KCNB2: variants seen among roughly 807,000 people sequenced by gnomAD.
The protein encoded by KCNB2 is potassium voltage-gated channel subfamily B member 2.
In KCNB2, 15 loss-of-function variants were observed where a neutral mutation model predicts 61.5. The ratio of observed to expected loss-of-function variants is 0.24; its 90% CI spans 0.16 to 0.38. KCNB2 has a LOEUF of 0.38. Ranked by LOEUF, KCNB2 falls within the 10% of genes least tolerant of loss-of-function variation. KCNB2 has a pLI of 1.00. For synonymous variants in KCNB2, 457 were observed against 446.0 expected, an observed-to-expected ratio of 1.02 and a Z score of -0.31; for missense variants, 828 against 1,125.2, an observed-to-expected ratio of 0.74 and a Z score of 3.78.
At chr8:72,675,799 G>A (rs13248493) in intron 2 of KCNB2, among the ~76,000 whole-genome samples, 1 of 151,922 alleles carries the variant, frequency 6.6e-6, no homozygotes, top group African/African-American at 2.4e-5. Context: ...TGATCCTCCC[G>A]CCTCGGCCTC....
chr8:72,650,570 G>A (rs900138976), intron 2 of KCNB2, among the ~76,000 whole-genome samples: 3 of 152,116 alleles, frequency 2.0e-5, no homozygotes, highest in African/African-American at 7.2e-5. Context: ...TCAGAGCTAA[G>A]GGTCACCGCC....
intron 2 of KCNB2, among the ~76,000 whole-genome samples, chr8:72,900,982 TTATTACTGGG>T (rs1563418062): frequency 6.6e-6 from 1 of 152,166 alleles, no homozygotes; most frequent in African/African-American, 2.4e-5. Context: ...CCCAGCAATC[TTATTACTGGG>T]TATATACCCA....
At chr8:72,770,962 T>C (rs899222199) in intron 2 of KCNB2, among the ~76,000 whole-genome samples, 2 of 152,260 alleles carry the variant, frequency 1.3e-5, no homozygotes. Flanking sequence ...CCAAATGATA[T>C]TTTAAAAACA....
chr8:72,768,744 A>G (rs1030222891), intron 2 of KCNB2, among the ~76,000 whole-genome samples: 1 of 152,192 alleles, frequency 6.6e-6, no homozygotes, highest in Non-Finnish European at 1.5e-5. Context: ...TATGTATAGC[A>G]TAAGGAAGGA....
intron 1 of KCNB2, among the ~76,000 whole-genome samples, chr8:72,556,588 TA>T (rs1207642778): frequency 3.3e-5 from 5 of 152,100 alleles, no homozygotes. Flanking sequence ...TAATAATGAA[TA>T]GAAAAAAATC....
At chr8:72,891,899 A>G (rs759462730) in intron 2 of KCNB2, among the ~76,000 whole-genome samples, 11 of 152,144 alleles carry the variant, frequency 7.2e-5, no homozygotes, top group Non-Finnish European at 1.5e-4. Flanking sequence ...AATTTAATCA[A>G]ATGTCATCCT....
chr8:72,650,846 G>A (rs1442160078), intron 2 of KCNB2, among the ~76,000 whole-genome samples: 1 of 152,142 alleles, frequency 6.6e-6, no homozygotes. Context: ...CAAGGAGATA[G>A]ATGTTGATAG....
chr8:72,727,063 G>A (rs1351834760), intron 2 of KCNB2, among the ~76,000 whole-genome samples: 1 of 151,972 alleles, frequency 6.6e-6, no homozygotes, highest in African/African-American at 2.4e-5. Context: ...TTTGCTCATT[G>A]GATTAAAAAG....
intron 2 of KCNB2, among the ~76,000 whole-genome samples, chr8:72,631,910 G>C (rs1366435912): frequency 6.6e-6 from 1 of 151,976 alleles, no homozygotes; most frequent in Non-Finnish European, 1.5e-5. Context: ...TTTCTGTATG[G>C]TCTACAAGCC....
intron 2 of KCNB2, among the ~76,000 whole-genome samples, chr8:72,834,338 A>C (rs1305919337): frequency 4.6e-5 from 7 of 152,180 alleles, no homozygotes; most frequent in Admixed American, 4.6e-4. Context: ...ATATATTTGG[A>C]GAACCGTTGC....
chr8:72,834,003 T>A (rs1265268645), intron 2 of KCNB2, among the ~76,000 whole-genome samples: 1 of 152,232 alleles, frequency 6.6e-6, no homozygotes, highest in African/African-American at 2.4e-5. Context: ...AACCAGATAC[T>A]GTTTTCTCCA....
At chr8:72,840,799 A>G (rs6989357) in intron 2 of KCNB2, among the ~76,000 whole-genome samples, 34,176 of 151,756 alleles carry the variant, frequency 0.23, 4,225 homozygotes, top group Non-Finnish European at 0.28. Flanking sequence ...GATTCTGGAT[A>G]TTTGCCCTTT....
chr8:72,758,799 T>G (rs193157913), intron 2 of KCNB2, among the ~76,000 whole-genome samples: 1 of 152,280 alleles, frequency 6.6e-6, no homozygotes. Context: ...GGCCCACAAT[T>G]CTATATTTTT....
rs369776233 is a variant in KCNB2, at chr8:72,601,326, T to C, written c.579+33013T>C. 3.9e-5 allele frequency among the ~76,000 whole-genome samples: 6 copies of C among 152,330 alleles called. No individual in the cohort carries two copies. In the South Asian group the frequency reaches 6.2e-4, roughly 16 times the overall value. On this transcript the variant is annotated intron_variant, in intron 2 of 2. Transcript: ENST00000523207. ...GACAAAACTTTAGTAATTAAGTTGT[T>C]AATGTACATTCCAGTGGAGAGTATG...
intron 2 of KCNB2, among the ~76,000 whole-genome samples, chr8:72,787,478 G>A (rs1808861675): frequency 6.7e-6 from 1 of 148,938 alleles, no homozygotes; most frequent in Non-Finnish European, 1.5e-5. Context: ...CAGGAAGAGT[G>A]TGTGGCTGAA....
At chr8:72,788,132 C>T (rs746359916) in intron 2 of KCNB2, among the ~76,000 whole-genome samples, 2 of 152,148 alleles carry the variant, frequency 1.3e-5, no homozygotes, top group Non-Finnish European at 2.9e-5. Flanking sequence ...ACAGTAAACT[C>T]GTAATAAACA....
chr8:72,603,706 A>C (rs140350516), intron 2 of KCNB2, among the ~76,000 whole-genome samples: 1 of 152,304 alleles, frequency 6.6e-6, no homozygotes, highest in African/African-American at 2.4e-5. Flanking sequence ...AGAATGTGAC[A>C]GTATTTGGAA....
At chr8:72,870,268 A>G (rs1354033177) in intron 2 of KCNB2, among the ~76,000 whole-genome samples, 2 of 152,226 alleles carry the variant, frequency 1.3e-5, no homozygotes, top group African/African-American at 4.8e-5. Flanking sequence ...AGATCTGTGT[A>G]CAACGTGGTG....
At position 72,920,453 on chromosome 8, in the gene KCNB2, C is replaced by CTATATATATATATA; in HGVS notation, c.580-15479_580-15478insATATATATATATAT. 4.9e-3 allele frequency among the ~76,000 whole-genome samples: 211 copies of CTATATATATATATA among 43,060 alleles called. 16 individuals are homozygous for CTATATATATATATA. The highest frequency in any genetic ancestry group is 8.8e-3 in the Non-Finnish European group (164 of 18,624). 28.2% of individuals were successfully genotyped at this position (43,060 alleles called of 152,430 possible). On this transcript the variant is annotated intron_variant, in intron 2 of 2. Transcript: ENST00000523207. ...CCCCCTCTCCACTATATCTATCTATCTATCTATCTATCTATCTATCTATAT... is the reference window on the plus strand; with the variant it reads ...CCCCCTCTCCACTATATCTATCTATCTATATATATATATATATCTATCTATCTATCTATCTATAT...
Sources: allele counts gnomAD v4.1 joint callset (sites outside exome capture counted in the v4.1 genomes callset), GRCh38; gene constraint gnomAD v4.1.1; transcripts MANE v1.5; gene names NCBI Gene and HGNC (gene_info 2026-07-23, HGNC 2026-07-21).